The following C12orf56 variants were observed in gnomAD, a reference collection of about 807,000 sequenced individuals.
C12orf56 encodes the protein uncharacterized protein C12orf56.
Under a neutral mutation model 69.9 loss-of-function variants are expected in C12orf56, and 71 were observed. That is an observed-to-expected ratio of 1.02 (90% CI 0.84 to 1.24). The LOEUF (loss-of-function observed/expected upper bound fraction) is 1.24. Among genes scored for constraint, C12orf56 ranks in the 50% most tolerant of loss-of-function variants. The probability of loss-of-function intolerance (pLI) is 0.00; values close to 1 mark genes in which losing one functional copy is unlikely to be tolerated. For missense variants in C12orf56, 732 were observed against 738.5 expected (o/e 0.99, Z 0.10); for synonymous variants, 276 against 274.1 (o/e 1.01, Z -0.07).
chr12:64,380,104 C>CAAAAAAAAAAAAAAAAAAAAAAAAAAA (rs60079906), intron 1 of C12orf56, among the ~76,000 whole-genome samples: 1 of 49,980 alleles, frequency 2.0e-5, no homozygotes, highest in Non-Finnish European at 3.0e-5. Context: ...GACTCCGTCG[C>CAAAAAAAAAAAAAAAAAAAAAAAAAAA]AAAAAAAAAA....
chr12:64,374,270 TA>T (rs2039611486), intron 1 of C12orf56, among the ~76,000 whole-genome samples: 1 of 152,174 alleles, frequency 6.6e-6, no homozygotes, highest in Non-Finnish European at 1.5e-5. Flanking sequence ...CAAGAAAGAC[TA>T]AAAGTAAAAA....
Position 64,318,680 on chromosome 12 carries a change from G to A in C12orf56, c.789C>T (p.Ser263=). Reference sequence around the variant, plus strand: ...ACTCCTTTTTCTCTAAATTTGAGTTGCTCTGTGAAGGGGAATCTAAGAGGG... The same window carrying A: ...ACTCCTTTTTCTCTAAATTTGAGTTACTCTGTGAAGGGGAATCTAAGAGGG... The part of the protein sequence containing the change: ...GNSLLDSPSQ[S]NSNLEKKESE... Residue 263 remains serine (S), a synonymous_variant, in exon 4 of 13, where the codon AGC becomes AGT. Transcript: ENST00000543942. 6.5e-7 allele frequency: 1 copy of A among 1,537,084 alleles called. No individual in the cohort carries two copies. Among genetic ancestry groups the A allele is most frequent in the Non-Finnish European group, 8.7e-7 (1 of 1,146,776 alleles).
At chr12:64,341,129 G>T (rs189268071) in intron 2 of C12orf56, among the ~76,000 whole-genome samples, 58 of 152,278 alleles carry the variant, frequency 3.8e-4, no homozygotes, top group African/African-American at 1.3e-3. Context: ...AATGTGTCCA[G>T]GTGGATATGA....
At chr12:64,272,552 A>C (rs60195424) in intron 11 of C12orf56, among the ~76,000 whole-genome samples, 1 of 147,212 alleles carries the variant, frequency 6.8e-6, no homozygotes, top group Non-Finnish European at 1.5e-5. Flanking sequence ...GAAGGCTTAC[A>C]TGGGAAATGA....
intron 5 of C12orf56, among the ~76,000 whole-genome samples, chr12:64,308,326 AATACATACATAC>A (rs530877082): frequency 6.6e-6 from 1 of 152,160 alleles, no homozygotes; most frequent in Non-Finnish European, 1.5e-5. Flanking sequence ...TGTATCAATA[AATACATACATAC>A]ATACATACAT....
rs193280057 is a variant in C12orf56, at chr12:64,367,078, T to C, written c.253-14022A>G. On this transcript the variant is annotated intron_variant, in intron 1 of 12. Coordinates refer to ENST00000543942, the MANE Select transcript of C12orf56 (RefSeq NM_001170633.2). ...TATTATATATAACATACACTTTATA[T>C]ATTATATATAACATACACTTTATAT... 1.8e-3 allele frequency among the ~76,000 whole-genome samples: 20 copies of C among 11,036 alleles called. 2 individuals are homozygous for C. Among genetic ancestry groups the C allele is most frequent in the African/African-American group, 4.8e-3 (18 of 3,764 alleles). The allele number at this position is 11,036 out of a possible 152,430, so 7.2% of individuals were successfully genotyped here. A position where few individuals can be genotyped will look rare whatever the true frequency, so the allele number is the denominator to read the frequency against.
At chr12:64,362,161 T>G (rs1467882169) in intron 1 of C12orf56, among the ~76,000 whole-genome samples, 1 of 152,164 alleles carries the variant, frequency 6.6e-6, no homozygotes, top group Non-Finnish European at 1.5e-5. Flanking sequence ...CAACTAGCTG[T>G]CTTTTCTCCT....
chr12:64,347,962 GA>G (rs2039169639), intron 2 of C12orf56, among the ~76,000 whole-genome samples: 1 of 152,128 alleles, frequency 6.6e-6, no homozygotes, highest in Admixed American at 6.6e-5. Context: ...TTCTGTGTGT[GA>G]ACAGATTAAC....
chr12:64,350,406 G>C (rs892542611), intron 2 of C12orf56, among the ~76,000 whole-genome samples: 1 of 152,162 alleles, frequency 6.6e-6, no homozygotes, highest in African/African-American at 2.4e-5. Context: ...ACGTACCACA[G>C]AGTGGCTTAA....
At chr12:64,351,295 A>G (rs1007091448) in intron 2 of C12orf56, among the ~76,000 whole-genome samples, 4 of 152,154 alleles carry the variant, frequency 2.6e-5, no homozygotes, top group African/African-American at 9.7e-5. Flanking sequence ...ACACCTTAGC[A>G]ATCAGCTTAT....
At chr12:64,350,452 G>A (rs1033579086) in intron 2 of C12orf56, among the ~76,000 whole-genome samples, 2 of 152,232 alleles carry the variant, frequency 1.3e-5, no homozygotes, top group Non-Finnish European at 2.9e-5. Context: ...GATGCAACTG[G>A]AGAAACTGGT....
intron 2 of C12orf56, among the ~76,000 whole-genome samples, chr12:64,347,166 C>T (rs575583296): frequency 1.8e-4 from 27 of 151,844 alleles, no homozygotes; most frequent in Middle Eastern, 3.4e-3. Context: ...GTAGTAGAGA[C>T]GGGGTTTTAC....
intron 1 of C12orf56, among the ~76,000 whole-genome samples, chr12:64,370,735 G>A (rs2039559636): frequency 6.6e-6 from 1 of 152,150 alleles, no homozygotes; most frequent in Admixed American, 6.6e-5. Flanking sequence ...ACAATCTTGA[G>A]AAAGAAGAAA....
At chr12:64,319,116 C>A (rs913799059) in intron 3 of C12orf56, 136 bp from the exon 4 acceptor site, 1 of 812,848 alleles carries the variant, frequency 1.2e-6, no homozygotes, top group African/African-American at 1.7e-5. Context: ...AGTCATTGAA[C>A]CTCGCTGGTA....
intron 4 of C12orf56, among the ~76,000 whole-genome samples, chr12:64,315,942 A>AT (rs2038686333): frequency 6.6e-6 from 1 of 151,954 alleles, no homozygotes. Context: ...AAAAAAAAAA[A>AT]AAAAAAAGTG....
chr12:64,316,192 G>A (rs1047921201), intron 4 of C12orf56, among the ~76,000 whole-genome samples: 3 of 151,578 alleles, frequency 2.0e-5, no homozygotes, highest in South Asian at 4.2e-4. Context: ...TGCAACCTCC[G>A]CCTCCCAGGC....
chr12:64,361,961 A>G (rs983326337), intron 1 of C12orf56, among the ~76,000 whole-genome samples: 19 of 152,040 alleles, frequency 1.2e-4, no homozygotes, highest in African/African-American at 4.3e-4. Context: ...CAAACTCTTG[A>G]CCTCAGGTCA....
At chr12:64,384,813 G>T (rs1048530544) in intron 1 of C12orf56, among the ~76,000 whole-genome samples, 4 of 152,130 alleles carry the variant, frequency 2.6e-5, no homozygotes, top group African/African-American at 9.7e-5. Flanking sequence ...CAGCACTTTG[G>T]GAGGCCGAGG....
At chr12:64,308,956 AAAGAAAGAAAGAAAGAAAAGAAAG>A (rs1565749061) in intron 5 of C12orf56, among the ~76,000 whole-genome samples, 44 of 112,986 alleles carry the variant, frequency 3.9e-4, no homozygotes, top group South Asian at 1.1e-3. Flanking sequence ...AGAAAGAAAG[AAAGAAAGAAAGAAAGAAAAGAAAG>A]AAAGAAAAGA....
Sources: gnomAD v4.1 joint callset for allele counts (sites outside exome capture counted in the v4.1 genomes callset) on GRCh38, gnomAD v4.1.1 for gene constraint, MANE v1.5 for transcripts, NCBI Gene and HGNC (gene_info 2026-07-23, HGNC 2026-07-21) for gene names.